The following ZNF423 variants were observed in gnomAD, a reference collection of about 807,000 sequenced individuals.
The protein encoded by ZNF423 is zinc finger protein 423, also known as Ebf-associated zinc finger protein.
In ZNF423, 12 loss-of-function variants were observed where a neutral mutation model predicts 95.8. That is an observed-to-expected ratio of 0.13 (90% CI 0.08 to 0.20). The LOEUF is 0.20. ZNF423 is among the 10% of genes least tolerant of loss of function. ZNF423 has a pLI of 1.00. For missense variants in ZNF423, 1,316 were observed against 1,737.1 expected, an observed-to-expected ratio of 0.76 and a Z score of 4.31; for synonymous variants, 749 against 711.9, an observed-to-expected ratio of 1.05 and a Z score of -0.83.
Position 49,492,448 on chromosome 16 carries a change from G to A in ZNF423, c.3850-1144C>T, listed in dbSNP as rs867708939. On this transcript the variant is annotated intron_variant, in intron 7 of 7. Coordinates refer to ENST00000563137, the MANE Select transcript of ZNF423 (RefSeq NM_001379286.1). The surrounding 1 kb of genome is among the most constrained non-coding windows in gnomAD (Gnocchi z 4.2). ...TCCGCGGCGAGGGCGACCAGGTGAT[G>A]CCAGTAGCCTCGCCCGGAGGCCGAG... 4.3e-4 allele frequency among the ~76,000 whole-genome samples: 65 copies of A among 152,286 alleles called. No homozygotes were observed. The highest frequency in any genetic ancestry group is 1.4e-3 in the African/African-American group (59 of 41,566).
chr16:49,506,686 G>A (rs1178181233), intron 7 of ZNF423, among the ~76,000 whole-genome samples: 2 of 152,120 alleles, frequency 1.3e-5, no homozygotes, highest in African/African-American at 4.8e-5. Context: ...TGGGTGGATA[G>A]ATAGATGGAA....
At position 49,636,345 on chromosome 16, in the gene ZNF423, G is replaced by A; in HGVS notation, c.2831C>T (p.Ser944Leu). Residue 944 changes from serine to leucine, a missense_variant, in exon 4 of 8, where the codon TCA (serine) becomes TTA (leucine). Physicochemically the swap from Ser to Leu is moderately radical, Grantham distance 145 (BLOSUM62 -2). Transcript: ENST00000563137. The surrounding 1 kb of genome is among the most constrained non-coding windows in gnomAD (Gnocchi z 8.6). ...CCCGTTCTCCGAGAAGAAAGTCCGTGAACAAACGTTGCACTTGTGACTGCC... is the reference window on the plus strand; with the variant it reads ...CCCGTTCTCCGAGAAGAAAGTCCGTAAACAAACGTTGCACTTGTGACTGCC... ...IKGSHKCNVC[S>L]RTFFSENGLR... 6.2e-7 allele frequency: 1 copy of A among 1,612,796 alleles called. No homozygotes were observed. Among genetic ancestry groups the A allele is most frequent in the Non-Finnish European group, 8.5e-7 (1 of 1,180,012 alleles).
intron 3 of ZNF423, among the ~76,000 whole-genome samples, chr16:49,640,115 C>T (rs1173107786): frequency 6.6e-6 from 1 of 152,170 alleles, no homozygotes; most frequent in Non-Finnish European, 1.5e-5. Flanking sequence ...TAAACCACTG[C>T]CCCCGCCTCT....
intron 7 of ZNF423, among the ~76,000 whole-genome samples, chr16:49,519,583 G>A (rs1050867378): frequency 9.9e-5 from 15 of 152,116 alleles, no homozygotes; most frequent in South Asian, 2.1e-4. Flanking sequence ...TCTGTGTCCC[G>A]TCTCATTATG....
intron 5 of ZNF423, among the ~76,000 whole-genome samples, chr16:49,565,923 G>A (rs1014965280): frequency 1.3e-5 from 2 of 150,802 alleles, no homozygotes; most frequent in African/African-American, 4.9e-5. Flanking sequence ...AGGGAGGGGA[G>A]AGAAAGGGAG....
rs74017269 is a variant in ZNF423, at chr16:49,850,274, C to T, written c.40+5461G>A. On this transcript the variant is annotated intron_variant, in intron 1 of 7. Coordinates refer to ENST00000563137, the MANE Select transcript of ZNF423 (RefSeq NM_001379286.1). ...GACAGCCAGCCCCAAAAACTTCAAG[C>T]GGGATGTAACCAATCCAGGTTCAAT... Among the ~76,000 whole-genome samples, 1,191 of 152,268 alleles carry T rather than the reference C, an allele frequency of 7.8e-3. 14 individuals are homozygous for T. The highest frequency in any genetic ancestry group is 0.026 in the African/African-American group (1,078 of 41,536).
At chr16:49,535,593 C>T (rs772622607) in intron 5 of ZNF423, among the ~76,000 whole-genome samples, 5 of 152,174 alleles carry the variant, frequency 3.3e-5, no homozygotes, top group Non-Finnish European at 5.9e-5. Flanking sequence ...ACAAGCGGGA[C>T]TTCACTGAGA....
At chr16:49,729,926 G>C (rs1204615406) in intron 3 of ZNF423, among the ~76,000 whole-genome samples, 1 of 152,036 alleles carries the variant, frequency 6.6e-6, no homozygotes, top group African/African-American at 2.4e-5. Context: ...GAGATTTCAG[G>C]CTTTCTTCCA....
chr16:49,654,692 C>A (rs139493279), intron 3 of ZNF423, among the ~76,000 whole-genome samples: 1 of 152,192 alleles, frequency 6.6e-6, no homozygotes. Context: ...CATTTTAGGG[C>A]GCAGCCAAGA....
At chr16:49,831,948 C>A (rs1382271143) in intron 1 of ZNF423, among the ~76,000 whole-genome samples, 1 of 150,892 alleles carries the variant, frequency 6.6e-6, no homozygotes, top group Admixed American at 6.6e-5. Flanking sequence ...TTGCAGTAAG[C>A]ACTCCAGCCT....
At chr16:49,641,352 C>T (rs8047705) in intron 3 of ZNF423, among the ~76,000 whole-genome samples, 7,494 of 152,286 alleles carry the variant, frequency 0.049, 634 homozygotes, top group African/African-American at 0.17. Flanking sequence ...CGTGTAAAGC[C>T]TCCAGGGTCC....
intron 5 of ZNF423, among the ~76,000 whole-genome samples, chr16:49,561,237 G>T (rs1329891619): frequency 6.6e-6 from 1 of 152,128 alleles, no homozygotes; most frequent in African/African-American, 2.4e-5. Flanking sequence ...GCCCACAGTG[G>T]GAGTATTTAC....
intron 3 of ZNF423, among the ~76,000 whole-genome samples, chr16:49,702,763 GC>G (rs2032225560): frequency 1.3e-5 from 2 of 152,236 alleles, no homozygotes; most frequent in African/African-American, 4.8e-5. Flanking sequence ...GGCCTGGTGG[GC>G]CAAGGGCCAG....
intron 7 of ZNF423, among the ~76,000 whole-genome samples, chr16:49,513,359 C>T (rs144302924): frequency 6.6e-6 from 1 of 152,348 alleles, no homozygotes; most frequent in East Asian, 1.9e-4. Flanking sequence ...TGCCGCTACT[C>T]ACAGAAAGCG....
intron 3 of ZNF423, among the ~76,000 whole-genome samples, chr16:49,694,415 C>A (rs975076386): frequency 1.1e-4 from 16 of 152,182 alleles, no homozygotes; most frequent in Non-Finnish European, 8.8e-5. Context: ...TTGCTAGGGG[C>A]ACTAGCAGTA....
intron 3 of ZNF423, among the ~76,000 whole-genome samples, chr16:49,700,215 A>AGAAG (rs202020290): frequency 1.2e-4 from 16 of 136,098 alleles, no homozygotes; most frequent in South Asian, 4.4e-4. Flanking sequence ...AAAAAAAAAA[A>AGAAG]AACAAGAAGA....
intron 2 of ZNF423, among the ~76,000 whole-genome samples, chr16:49,778,228 C>A (rs2034152616): frequency 6.6e-6 from 1 of 152,146 alleles, no homozygotes; most frequent in South Asian, 2.1e-4. Flanking sequence ...CACCTGCCTG[C>A]ACATTCAAGA....
At chr16:49,856,352 G>C (rs1431800348), upstream of ZNF423, among the ~76,000 whole-genome samples, 1 of 148,966 alleles carries the variant, frequency 6.7e-6, no homozygotes, top group Non-Finnish European at 1.5e-5. Context: ...GGGGAACGGG[G>C]CTGGAGTCGA....
intron 2 of ZNF423, among the ~76,000 whole-genome samples, chr16:49,734,345 G>A (rs181973397): frequency 6.6e-5 from 10 of 152,352 alleles, no homozygotes; most frequent in African/African-American, 9.6e-5. Flanking sequence ...AGGGCCCAGA[G>A]GCCCAGCACC....
Sources: gnomAD v4.1 joint callset for allele counts (sites outside exome capture counted in the v4.1 genomes callset) on GRCh38, gnomAD v4.1.1 for gene constraint, Gnocchi (gnomAD v3.1) non-coding constraint, MANE v1.5 for transcripts, NCBI Gene and HGNC (gene_info 2026-07-23, HGNC 2026-07-21) for gene names.